Variants in ADGRA3 observed in about 807,000 individuals in gnomAD.
ADGRA3 encodes adhesion G protein-coupled receptor A3, also known as G-protein coupled receptor 125.
In ADGRA3, 56 loss-of-function variants were observed where a neutral mutation model predicts 119.8. The ratio of observed to expected loss-of-function variants is 0.47; its 90% CI spans 0.38 to 0.58. The LOEUF (loss-of-function observed/expected upper bound fraction) is 0.58. ADGRA3 is among the 20% of genes least tolerant of loss of function. The pLI, the probability that ADGRA3 is intolerant of heterozygous loss-of-function variation, is 0.00. For synonymous variants in ADGRA3, 607 were observed against 623.8 expected (o/e 0.97, Z 0.40); for missense variants, 1,516 against 1,649.0 (o/e 0.92, Z 1.40).
chr4:22,434,905 CAA>C (rs1346208622), intron 10 of ADGRA3, among the ~76,000 whole-genome samples: 1 of 152,122 alleles, frequency 6.6e-6, no homozygotes, highest in East Asian at 1.9e-4. Flanking sequence ...ATTACAAGGA[CAA>C]TTAAAAGGAA....
intron 10 of ADGRA3, among the ~76,000 whole-genome samples, chr4:22,425,517 A>C (rs1715894878): frequency 6.6e-6 from 1 of 152,150 alleles, no homozygotes; most frequent in South Asian, 2.1e-4. Context: ...TATTGAGCAA[A>C]ACGTTTATAA....
At chr4:22,395,310 A>G (rs1470062967) in intron 16 of ADGRA3, among the ~76,000 whole-genome samples, 1 of 152,224 alleles carries the variant, frequency 6.6e-6, no homozygotes, top group Non-Finnish European at 1.5e-5. Context: ...ATACGCCTAC[A>G]GCAGTGCATT....
intron 3 of ADGRA3, 25 bp from the exon 4 acceptor site, chr4:22,454,962 C>T: frequency 4.5e-6 from 7 of 1,547,486 alleles, no homozygotes; most frequent in Non-Finnish European, 5.4e-6. Flanking sequence ...GGAAAAGTGT[C>T]TTCAATTAGT....
At chr4:22,471,810 C>T (rs1717866069) in intron 2 of ADGRA3, among the ~76,000 whole-genome samples, 1 of 152,044 alleles carries the variant, frequency 6.6e-6, no homozygotes, top group South Asian at 2.1e-4. Flanking sequence ...TTTTGGGATT[C>T]GTGAATAAAC....
At chr4:22,403,975 A>G in intron 14 of ADGRA3, among the ~76,000 whole-genome samples, 1 of 152,284 alleles carries the variant, frequency 6.6e-6, no homozygotes, top group South Asian at 2.1e-4. Context: ...CCCAAAAACA[A>G]TGCAGACACT....
At chr4:22,423,057 A>G (rs1278206270) in intron 11 of ADGRA3, among the ~76,000 whole-genome samples, 2 of 151,964 alleles carry the variant, frequency 1.3e-5, no homozygotes, top group Non-Finnish European at 2.9e-5. Context: ...TTAGCCACAC[A>G]TAGTGGTGCT....
rs775824611 is a variant in ADGRA3, at chr4:22,515,492, A to AGCGGGAGAGGACCCAGCGTC, written c.257+16_257+35dup. On this transcript the variant is annotated intron_variant, in intron 1 of 18. Transcript: ENST00000334304. ...TGAGCGGAGAGATAAGAAAGAGCCG[A>AGCGGGAGAGGACCCAGCGTC]GCGGGAGAGGACCCAGCGTCGCGGG... 6.8e-3 allele frequency: 10,827 copies of AGCGGGAGAGGACCCAGCGTC among 1,592,034 alleles called. 49 individuals are homozygous for AGCGGGAGAGGACCCAGCGTC. The highest frequency in any genetic ancestry group is 8.7e-3 in the Non-Finnish European group (10,200 of 1,168,454).
rs1717606777 is a variant in ADGRA3, at chr4:22,465,047, A to G, written c.330-3239T>C. Among the ~76,000 whole-genome samples, 3 of 152,252 alleles carry G rather than the reference A, an allele frequency of 2.0e-5. No homozygotes were observed. In the South Asian group the frequency reaches 6.2e-4, roughly 32 times the overall value. On this transcript the variant is annotated intron_variant, in intron 2 of 18. Transcript: ENST00000334304. Reference sequence around the variant, plus strand: ...AAACTCTGCCCACTCCATTCTGAGGACAAATAGTGAAAGGTGTAGACCAGA... The same window carrying G: ...AAACTCTGCCCACTCCATTCTGAGGGCAAATAGTGAAAGGTGTAGACCAGA...
chr4:22,494,630 A>G (rs1031009195), intron 1 of ADGRA3, among the ~76,000 whole-genome samples: 3 of 151,982 alleles, frequency 2.0e-5, no homozygotes, highest in Non-Finnish European at 4.4e-5. Context: ...ATTATCCTAA[A>G]TAAAACTACT....
intron 1 of ADGRA3, among the ~76,000 whole-genome samples, chr4:22,505,107 T>G (rs771786619): frequency 9.2e-5 from 14 of 152,136 alleles, no homozygotes; most frequent in Non-Finnish European, 1.5e-4. Context: ...AGTGCACACA[T>G]CATCATTGTC....
chr4:22,439,184 A>C (rs1304643763), intron 7 of ADGRA3, among the ~76,000 whole-genome samples: 1 of 152,236 alleles, frequency 6.6e-6, no homozygotes, highest in Admixed American at 6.5e-5. Flanking sequence ...GTTTAAGGTA[A>C]AATATAAAGG....
At chr4:22,510,703 T>C (rs1240707476) in intron 1 of ADGRA3, among the ~76,000 whole-genome samples, 2 of 152,064 alleles carry the variant, frequency 1.3e-5, no homozygotes, top group African/African-American at 4.8e-5. Flanking sequence ...TTCTCCCCAC[T>C]CAATCCAATC....
chr4:22,464,657 G>A (rs1449284807), intron 2 of ADGRA3, among the ~76,000 whole-genome samples: 1 of 152,208 alleles, frequency 6.6e-6, no homozygotes, highest in Non-Finnish European at 1.5e-5. Context: ...TCCCCATGCA[G>A]CTTTCTCTTG....
rs1719661808 is a variant in ADGRA3 at position 22,516,045 on chromosome 4, T to TCTGCCGCC, written c.-262_-261insGGCGGCAG. Reference sequence around the variant, plus strand: ...CGAGCACCGCCTCCTCCTCCTCCTCTGCCGCCGCCGCCGCCGCCACTGCCT... The same window carrying TCTGCCGCC: ...CGAGCACCGCCTCCTCCTCCTCCTCTCTGCCGCCGCCGCCGCCGCCGCCGCCACTGCCT... On this transcript the variant is annotated 5_prime_UTR_variant, in exon 1 of 19. Transcript: ENST00000334304. 1 of 153,936 alleles carries TCTGCCGCC rather than the reference T, an allele frequency of 6.5e-6. No homozygotes were observed. The highest frequency in any genetic ancestry group is 2.5e-5 in the African/African-American group (1 of 40,020). 9.5% of individuals were successfully genotyped at this position (153,936 alleles called of 1,614,324 possible). A position where few individuals can be genotyped will look rare whatever the true frequency, so the allele number is the denominator to read the frequency against.
chr4:22,459,107 A>T (rs1479128369), intron 3 of ADGRA3, among the ~76,000 whole-genome samples: 2 of 152,220 alleles, frequency 1.3e-5, no homozygotes, highest in Non-Finnish European at 2.9e-5. Flanking sequence ...AAAGCTACAG[A>T]CGATAGGTTT....
chr4:22,478,584 G>T (rs1718137017), intron 1 of ADGRA3, among the ~76,000 whole-genome samples: 1 of 152,168 alleles, frequency 6.6e-6, no homozygotes, highest in South Asian at 2.1e-4. Flanking sequence ...TGGCTGAAGT[G>T]GTTTGAAAGG....
chr4:22,437,429 A>G (rs1214271903), intron 8 of ADGRA3, among the ~76,000 whole-genome samples: 1 of 152,210 alleles, frequency 6.6e-6, no homozygotes, highest in Admixed American at 6.5e-5. Context: ...AACTGAACCC[A>G]TTAGAGACAA....
At chr4:22,481,390 C>CA (rs1169821457) in intron 1 of ADGRA3, among the ~76,000 whole-genome samples, 1 of 151,964 alleles carries the variant, frequency 6.6e-6, no homozygotes, top group Non-Finnish European at 1.5e-5. Flanking sequence ...AGTTCAAAAG[C>CA]AAAAAAACCC....
At position 22,388,222 on chromosome 4, in the gene ADGRA3, T is replaced by C. The variant is rs753463580; in HGVS notation, c.3449A>G (p.Asp1150Gly). Residue 1150 changes from aspartate to glycine, a missense_variant, in exon 19 of 19, where the codon GAT becomes GGT. Physicochemically the swap from Asp to Gly is moderately conservative, Grantham distance 94 (BLOSUM62 -1). Transcript: ENST00000334304. ...TAAAGGCGCCACGTGCATTTTAATATCATTGTCCATTGAATGTTCTGTCAG... is the reference window on the plus strand; with the variant it reads ...TAAAGGCGCCACGTGCATTTTAATACCATTGTCCATTGAATGTTCTGTCAG... ...NSLTEHSMDNDIKMHVAPLEV... is the reference protein window; with the variant it reads ...NSLTEHSMDNGIKMHVAPLEV... 1 of 1,614,092 alleles carries C rather than the reference T, an allele frequency of 6.2e-7. No homozygotes were observed. The highest frequency in any genetic ancestry group is 1.1e-5 in the South Asian group (1 of 91,082).
Sources: gnomAD v4.1 joint callset for allele counts (sites outside exome capture counted in the v4.1 genomes callset) on GRCh38, gnomAD v4.1.1 for gene constraint, MANE v1.5 for transcripts, NCBI Gene and HGNC (gene_info 2026-07-23, HGNC 2026-07-21) for gene names.